The following RBKS variants were observed in gnomAD, a reference collection of about 807,000 sequenced individuals.
RBKS encodes ribokinase.
Under a neutral mutation model 33.9 loss-of-function variants are expected in RBKS, and 33 were observed. The ratio of observed to expected loss-of-function variants is 0.97; its 90% CI spans 0.74 to 1.30. RBKS has a LOEUF of 1.30. Ranked by LOEUF, RBKS falls within the 50% of genes most tolerant of loss-of-function variation. The probability of loss-of-function intolerance (pLI) is 0.00; values close to 1 mark genes in which losing one functional copy is unlikely to be tolerated. For missense variants in RBKS, 361 were observed against 392.6 expected (o/e 0.92, Z 0.68); for synonymous variants, 125 against 143.0 (o/e 0.87, Z 0.90).
chr2:27,832,466 A>G lies in RBKS; in HGVS notation c.606+220T>C, dbSNP rs147786577. On this transcript the variant is annotated intron_variant, in intron 6 of 7. Transcript: ENST00000302188. ...AGGGACTAAAATTAACTGAGGTTTG[A>G]TAAGTGCCAGAATATGGAAGTGACT... is the stretch of plus-strand genomic sequence containing the variant. 5.0e-3 allele frequency among the ~76,000 whole-genome samples: 763 copies of G among 152,340 alleles called. 4 individuals are homozygous for G. Among genetic ancestry groups the G allele is most frequent in the South Asian group, 0.014 (66 of 4,830 alleles).
At chr2:27,812,712 TG>T (rs1038937985) in intron 7 of RBKS, among the ~76,000 whole-genome samples, 2 of 151,486 alleles carry the variant, frequency 1.3e-5, no homozygotes, top group African/African-American at 4.9e-5. Flanking sequence ...TGTTGTGGGG[TG>T]GGGGAAGCGG....
At chr2:27,860,968 TTTCTCTC>T (rs1663965981) in intron 1 of RBKS, among the ~76,000 whole-genome samples, 1 of 141,908 alleles carries the variant, frequency 7.0e-6, no homozygotes, top group Non-Finnish European at 1.5e-5. Context: ...TCTGTCTCTC[TTTCTCTC>T]TTTTTTTTTT....
At chr2:27,875,185 G>C (rs1664287416) in intron 1 of RBKS, among the ~76,000 whole-genome samples, 1 of 152,144 alleles carries the variant, frequency 6.6e-6, no homozygotes, top group Non-Finnish European at 1.5e-5. Context: ...TTCATACACT[G>C]TGAGTAGGAG....
chr2:27,882,848 T>C (rs766794636), intron 1 of RBKS, among the ~76,000 whole-genome samples: 9 of 152,192 alleles, frequency 5.9e-5, no homozygotes, highest in Non-Finnish European at 1.3e-4. Flanking sequence ...ATACTGCATG[T>C]TCTTACTTAT....
At chr2:27,863,054 T>C (rs1313536080) in intron 1 of RBKS, among the ~76,000 whole-genome samples, 1 of 151,578 alleles carries the variant, frequency 6.6e-6, no homozygotes, top group East Asian at 1.9e-4. Context: ...ATTAAATTGC[T>C]CAAATTAAAA....
chr2:27,786,972 C>T (rs1193157215), intron 7 of RBKS, among the ~76,000 whole-genome samples: 1 of 152,140 alleles, frequency 6.6e-6, no homozygotes, highest in African/African-American at 2.4e-5. Flanking sequence ...ATTCTCAGGG[C>T]TACAACATGT....
chr2:27,862,326 T>G (rs187792733), intron 1 of RBKS, among the ~76,000 whole-genome samples: 1 of 152,304 alleles, frequency 6.6e-6, no homozygotes, highest in Admixed American at 6.5e-5. Flanking sequence ...AAGTGAAAAG[T>G]TAAATGACAG....
chr2:27,799,626 C>T (rs1323910414), intron 7 of RBKS, among the ~76,000 whole-genome samples: 1 of 152,162 alleles, frequency 6.6e-6, no homozygotes. Flanking sequence ...AAGAATATTG[C>T]CAGGGGTTCA....
chr2:27,809,381 G>T (rs1294652713), intron 7 of RBKS, among the ~76,000 whole-genome samples: 1 of 152,190 alleles, frequency 6.6e-6, no homozygotes, highest in Non-Finnish European at 1.5e-5. Context: ...GTTTGCGGTG[G>T]GTTAATTTAT....
chr2:27,880,621 G>A (rs1465771402), intron 1 of RBKS, among the ~76,000 whole-genome samples: 1 of 152,010 alleles, frequency 6.6e-6, no homozygotes, highest in Non-Finnish European at 1.5e-5. Flanking sequence ...TATACACCAA[G>A]AGTCAAGCCA....
intron 5 of RBKS, among the ~76,000 whole-genome samples, chr2:27,840,299 C>G (rs1663456781): frequency 6.8e-6 from 1 of 146,286 alleles, no homozygotes; most frequent in Non-Finnish European, 1.5e-5. Flanking sequence ...GGATACCACT[C>G]TTCTTGCATA....
At chr2:27,866,530 A>G (rs1283014669) in intron 1 of RBKS, among the ~76,000 whole-genome samples, 1 of 152,114 alleles carries the variant, frequency 6.6e-6, no homozygotes, top group Non-Finnish European at 1.5e-5. Context: ...CTTAGACTCC[A>G]GTGACATATA....
At chr2:27,864,043 A>T (rs891410682) in intron 1 of RBKS, among the ~76,000 whole-genome samples, 1 of 151,538 alleles carries the variant, frequency 6.6e-6, no homozygotes, top group South Asian at 2.1e-4. Flanking sequence ...TTTTTTTTTT[A>T]AGAGACAGGG....
intron 4 of RBKS, among the ~76,000 whole-genome samples, chr2:27,844,037 G>T (rs11127127): frequency 0.21 from 31,604 of 152,022 alleles, 4,308 homozygotes; most frequent in East Asian, 0.63. Flanking sequence ...GAGGTGGGCA[G>T]ATCACTTGAG....
chr2:27,801,982 ATATATATATATTTTTTT>A (rs1423858235), intron 7 of RBKS, among the ~76,000 whole-genome samples: 6 of 95,394 alleles, frequency 6.3e-5, no homozygotes, highest in African/African-American at 2.7e-4. Context: ...ATATATATAT[ATATATATATATTTTTTT>A]TTTTTTTTTT....
At chr2:27,832,550 A>G (rs1678438156) in intron 6 of RBKS, 136 bp downstream of exon 6, 1 of 675,086 alleles carries the variant, frequency 1.5e-6, no homozygotes. Flanking sequence ...ACACCCCGGT[A>G]AACTGAAAAA....
intron 2 of RBKS, among the ~76,000 whole-genome samples, chr2:27,855,805 A>G (rs1388882872): frequency 2.0e-5 from 3 of 152,326 alleles, no homozygotes; most frequent in African/African-American, 7.2e-5. Flanking sequence ...CTAGCTCAAT[A>G]TAAGTTTGTT....
intron 6 of RBKS, among the ~76,000 whole-genome samples, chr2:27,828,775 C>A (rs1678365886): frequency 6.6e-6 from 1 of 152,130 alleles, no homozygotes; most frequent in Admixed American, 6.5e-5. Context: ...TTCAAGACTT[C>A]TAATTGGTTG....
At chr2:27,781,966 C>T (rs947074349) in intron 7 of RBKS, among the ~76,000 whole-genome samples, 178 bp from the exon 8 acceptor site, 5 of 152,206 alleles carry the variant, frequency 3.3e-5, no homozygotes, top group Admixed American at 6.5e-5. Context: ...TACTGTGGTA[C>T]ATTTATCACC....
Sources: allele counts gnomAD v4.1 joint callset (sites outside exome capture counted in the v4.1 genomes callset), GRCh38; gene constraint gnomAD v4.1.1; transcripts MANE v1.5; gene names NCBI Gene and HGNC (gene_info 2026-07-23, HGNC 2026-07-21).